The following CNTNAP2 variants were observed in gnomAD, a reference collection of about 807,000 sequenced individuals.
CNTNAP2 encodes the protein contactin associated protein 2.
A neutral mutation model predicts 155.2 loss-of-function variants in CNTNAP2; 98 were observed. The observed-to-expected ratio is 0.63, with a 90% CI of 0.54 to 0.75. The LOEUF is 0.75. Ranked by LOEUF, CNTNAP2 falls within the 30% of genes least tolerant of loss-of-function variation. The probability of loss-of-function intolerance (pLI) is 0.00; values close to 1 mark genes in which losing one functional copy is unlikely to be tolerated. For missense variants in CNTNAP2, 1,727 were observed against 1,688.1 expected, an observed-to-expected ratio of 1.02 and a Z score of -0.40; for synonymous variants, 651 against 631.2, an observed-to-expected ratio of 1.03 and a Z score of -0.47.
intron 3 of CNTNAP2, among the ~76,000 whole-genome samples, chr7:146,962,233 A>T (rs1259378565): frequency 6.6e-6 from 1 of 152,184 alleles, no homozygotes; most frequent in Non-Finnish European, 1.5e-5. Context: ...TTTTTGCTAA[A>T]TAAGATAACT....
intron 22 of CNTNAP2, among the ~76,000 whole-genome samples, chr7:148,385,330 A>G (rs1301646870): frequency 1.3e-5 from 2 of 152,232 alleles, no homozygotes; most frequent in South Asian, 4.1e-4. Flanking sequence ...AAGATTACAC[A>G]GTGGGCTGGC....
At chr7:146,141,463 A>C (rs1414028157) in intron 1 of CNTNAP2, among the ~76,000 whole-genome samples, 1 of 152,206 alleles carries the variant, frequency 6.6e-6, no homozygotes, top group Non-Finnish European at 1.5e-5. Flanking sequence ...GGTTGTCAAG[A>C]AGCAAGCTAG....
chr7:146,356,052 T>TACACACAC (rs68125550), intron 1 of CNTNAP2, among the ~76,000 whole-genome samples: 9 of 144,096 alleles, frequency 6.2e-5, no homozygotes, highest in South Asian at 2.3e-4. Context: ...TACATACGAA[T>TACACACAC]ACACACACAC....
chr7:147,021,479 G>A (rs34475259), intron 3 of CNTNAP2, among the ~76,000 whole-genome samples: 7,455 of 152,182 alleles, frequency 0.049, 243 homozygotes, highest in African/African-American at 0.083. Context: ...ATCCTGATCA[G>A]TGTAAAAGAT....
At chr7:146,380,751 G>GA (rs974303576) in intron 1 of CNTNAP2, among the ~76,000 whole-genome samples, 3 of 101,160 alleles carry the variant, frequency 3.0e-5, no homozygotes, top group Admixed American at 1.1e-4. Flanking sequence ...TAACTTCAAA[G>GA]AAAAAAAATA....
chr7:146,370,463 AC>A (rs1196184785), intron 1 of CNTNAP2, among the ~76,000 whole-genome samples: 2 of 151,608 alleles, frequency 1.3e-5, no homozygotes, highest in African/African-American at 2.4e-5. Flanking sequence ...GAAAAAAAAA[AC>A]ATTTTTCCTT....
intron 13 of CNTNAP2, among the ~76,000 whole-genome samples, chr7:147,734,541 AG>A: frequency 6.6e-6 from 1 of 152,332 alleles, no homozygotes; most frequent in Admixed American, 6.5e-5. Flanking sequence ...AAAATGAGTT[AG>A]GGAGGATTCC....
chr7:147,699,046 G>C (rs1009207349), intron 13 of CNTNAP2, among the ~76,000 whole-genome samples: 3 of 151,950 alleles, frequency 2.0e-5, no homozygotes, highest in African/African-American at 7.3e-5. Context: ...TGATAAATTT[G>C]ACTACATGTA....
At chr7:147,188,578 G>A (rs1253132978) in intron 8 of CNTNAP2, among the ~76,000 whole-genome samples, 1 of 152,208 alleles carries the variant, frequency 6.6e-6, no homozygotes, top group Non-Finnish European at 1.5e-5. Context: ...TAAAGGCTCA[G>A]TCTGACAGCG....
rs1797214807 is a variant in CNTNAP2, at chr7:146,947,578, T to TATATATATATATATATAC, written c.403-96312_403-96311insCATATATATATATATATA. Among the ~76,000 whole-genome samples the TATATATATATATATATAC allele has an allele frequency of 7.6e-5, 5 of 65,902 alleles. No homozygotes were observed. The East Asian group carries it at 1.0e-3, about 13-fold the overall frequency. The allele number at this position is 65,902 out of a possible 152,430, so 43.2% of individuals were successfully genotyped here. On this transcript the variant is annotated intron_variant, in intron 3 of 23. Transcript: ENST00000361727. ...GTGTGTATATATATATATATATACA[T>TATATATATATATATATAC]ATATATATATATATATATATGTATA... is the stretch of plus-strand genomic sequence containing the variant.
rs982506305 is a variant in CNTNAP2 at position 147,189,902 on chromosome 7, G to A, written c.1348+57393G>A. Among the ~76,000 whole-genome samples the A allele has an allele frequency of 7.9e-5, 12 of 152,010 alleles. 1 individual carries two copies. The South Asian group carries it at 1.5e-3, about 18-fold the overall frequency. On this transcript the variant is annotated intron_variant, in intron 8 of 23. Transcript: ENST00000361727. The stretch of plus-strand genomic sequence containing the variant: ...TGGGACTACAGGTGCCCGCCACCAC[G>A]CCCGGCTAATTTTTTGTATTTTTAG...
chr7:147,623,692 G>C (rs1407175792), intron 12 of CNTNAP2, among the ~76,000 whole-genome samples: 1 of 151,716 alleles, frequency 6.6e-6, no homozygotes, highest in Non-Finnish European at 1.5e-5. Flanking sequence ...GTGATCTATA[G>C]ATTCAGTGTA....
At chr7:147,899,981 C>A (rs1290530073) in intron 13 of CNTNAP2, among the ~76,000 whole-genome samples, 3 of 152,150 alleles carry the variant, frequency 2.0e-5, no homozygotes, top group Non-Finnish European at 2.9e-5. Context: ...CTGCCTACCA[C>A]GTCTAGGCTT....
At chr7:147,733,266 T>C (rs2116470651) in intron 13 of CNTNAP2, among the ~76,000 whole-genome samples, 1 of 150,108 alleles carries the variant, frequency 6.7e-6, no homozygotes, top group South Asian at 2.1e-4. Flanking sequence ...GTCAGTTTTG[T>C]TAAATAGGGA....
chr7:147,163,343 A>G, intron 8 of CNTNAP2, among the ~76,000 whole-genome samples: 1 of 152,172 alleles, frequency 6.6e-6, no homozygotes, highest in East Asian at 1.9e-4. Context: ...ATAAATAATA[A>G]CACAGCACCA....
chr7:146,714,897 G>C (rs1801160367), intron 1 of CNTNAP2, among the ~76,000 whole-genome samples: 1 of 152,174 alleles, frequency 6.6e-6, no homozygotes, highest in African/African-American at 2.4e-5. Context: ...TGGGTTACCA[G>C]AGGTTAGGCG....
chr7:146,126,480 G>T (rs994662682), intron 1 of CNTNAP2, among the ~76,000 whole-genome samples: 1 of 152,140 alleles, frequency 6.6e-6, no homozygotes, highest in African/African-American at 2.4e-5. Flanking sequence ...CTTTTGCAGT[G>T]TAGTTCTATC....
In CNTNAP2 at chr7:148,176,526, C is replaced by G. The variant is rs534131950; in HGVS notation, c.3010+4048C>G. 9.6e-4 allele frequency among the ~76,000 whole-genome samples: 146 copies of G among 152,250 alleles called. 4 individuals are homozygous for G. In the South Asian group the frequency reaches 0.029, roughly 30 times the overall value. ...GAGCCACCACACCCAGCCCAGAGCCCTTTTTCAAAGAGATGCCTAAAGATT... is the reference window on the plus strand; with the variant it reads ...GAGCCACCACACCCAGCCCAGAGCCGTTTTTCAAAGAGATGCCTAAAGATT... On this transcript the variant is annotated intron_variant, in intron 18 of 23. Transcript: ENST00000361727.
chr7:146,698,908 G>A lies in CNTNAP2; in HGVS notation c.98-75363G>A, dbSNP rs370327642. ...CCTTGACTGTGTCCAGCCTACTAAT[G>A]AACCCATCCAAAGCAGTCTTTATTT... On this transcript the variant is annotated intron_variant, in intron 1 of 23. Coordinates refer to ENST00000361727, the MANE Select transcript of CNTNAP2 (RefSeq NM_014141.6). 4.3e-3 allele frequency among the ~76,000 whole-genome samples: 653 copies of A among 152,124 alleles called. 6 individuals carry two copies. The highest frequency in any genetic ancestry group is 0.015 in the African/African-American group (611 of 41,506).
Sources: gnomAD v4.1 joint callset for allele counts (sites outside exome capture counted in the v4.1 genomes callset) on GRCh38, gnomAD v4.1.1 for gene constraint, MANE v1.5 for transcripts, NCBI Gene and HGNC (gene_info 2026-07-23, HGNC 2026-07-21) for gene names.